Variants in RALYL observed in about 807,000 individuals in gnomAD.
RALYL encodes the protein RNA-binding Raly-like protein.
Under a neutral mutation model 35.1 loss-of-function variants are expected in RALYL, and 29 were observed. The observed-to-expected ratio is 0.83, with a 90% CI of 0.61 to 1.13. The LOEUF (loss-of-function observed/expected upper bound fraction) is 1.13, where lower values mean the gene tolerates loss of function less well. Ranked by LOEUF, RALYL falls within the 50% of genes most tolerant of loss-of-function variation. The pLI is 0.00. For missense variants in RALYL, 359 were observed against 360.4 expected (o/e 1.00, Z 0.03); for synonymous variants, 120 against 127.6 (o/e 0.94, Z 0.40).
intron 3 of RALYL, among the ~76,000 whole-genome samples, chr8:84,777,906 G>A (rs1360907027): frequency 1.3e-5 from 2 of 152,158 alleles, no homozygotes; most frequent in Non-Finnish European, 2.9e-5. Context: ...CTCCCAAAGC[G>A]CTGGGATTAC....
chr8:84,322,390 A>G (rs1845031913), intron 1 of RALYL, among the ~76,000 whole-genome samples: 1 of 152,138 alleles, frequency 6.6e-6, no homozygotes, highest in Admixed American at 6.5e-5. Context: ...GAAAACAGTA[A>G]AAGTAAATAA....
At chr8:84,306,478 G>T (rs1249585550) in intron 1 of RALYL, among the ~76,000 whole-genome samples, 2 of 152,114 alleles carry the variant, frequency 1.3e-5, no homozygotes, top group Admixed American at 1.3e-4. Flanking sequence ...ACACCTCCCT[G>T]ATCCCTCTTC....
At chr8:84,344,174 G>T in intron 1 of RALYL, among the ~76,000 whole-genome samples, 1 of 151,920 alleles carries the variant, frequency 6.6e-6, no homozygotes, top group East Asian at 1.9e-4. Context: ...TGCAACCCAT[G>T]ATTTCACAGA....
chr8:84,402,203 C>A (rs2042987917), intron 1 of RALYL, among the ~76,000 whole-genome samples: 1 of 152,048 alleles, frequency 6.6e-6, no homozygotes, highest in Admixed American at 6.6e-5. Context: ...ATGATAAATA[C>A]TGAAATAATA....
At chr8:84,785,506 C>T (rs1006872958) in intron 3 of RALYL, among the ~76,000 whole-genome samples, 1 of 152,150 alleles carries the variant, frequency 6.6e-6, no homozygotes, top group African/African-American at 2.4e-5. Flanking sequence ...GTCAGACATA[C>T]ATGCTTTATT....
At chr8:84,731,946 C>T (rs1384004561) in intron 2 of RALYL, among the ~76,000 whole-genome samples, 1 of 152,116 alleles carries the variant, frequency 6.6e-6, no homozygotes, top group South Asian at 2.1e-4. Flanking sequence ...GTTCCCTTTC[C>T]TAAAACATTC....
At chr8:84,549,643 T>A (rs2060586436) in intron 2 of RALYL, among the ~76,000 whole-genome samples, 1 of 152,136 alleles carries the variant, frequency 6.6e-6, no homozygotes, top group African/African-American at 2.4e-5. Flanking sequence ...TGGAAACACC[T>A]GATCTAGGAA....
intron 1 of RALYL, among the ~76,000 whole-genome samples, chr8:84,235,478 T>C (rs975899621): frequency 6.6e-6 from 1 of 152,216 alleles, no homozygotes; most frequent in African/African-American, 2.4e-5. Context: ...AACCATTTCT[T>C]GTTGCTGTAA....
chr8:84,357,788 T>C (rs1303348335), intron 1 of RALYL, among the ~76,000 whole-genome samples: 2 of 148,044 alleles, frequency 1.4e-5, no homozygotes, highest in African/African-American at 4.9e-5. Context: ...TTTATATATT[T>C]ATATATATTT....
intron 2 of RALYL, among the ~76,000 whole-genome samples, chr8:84,635,512 T>G (rs1824871095): frequency 6.6e-6 from 1 of 151,760 alleles, no homozygotes; most frequent in African/African-American, 2.4e-5. Context: ...TAATCAGCTT[T>G]CTTACTGTAG....
intron 1 of RALYL, among the ~76,000 whole-genome samples, chr8:84,462,440 G>T: frequency 7.1e-6 from 1 of 140,204 alleles, no homozygotes; most frequent in Admixed American, 7.4e-5. Flanking sequence ...TACTCTCTTT[G>T]TAAAAAAAAA....
chr8:84,649,076 A>T (rs1054543682), intron 2 of RALYL, among the ~76,000 whole-genome samples: 1 of 152,040 alleles, frequency 6.6e-6, no homozygotes, highest in Non-Finnish European at 1.5e-5. Context: ...TTATTTTTAT[A>T]AAAAGCTTAT....
intron 2 of RALYL, among the ~76,000 whole-genome samples, chr8:84,537,763 A>G (rs936313129): frequency 6.6e-6 from 1 of 152,236 alleles, no homozygotes; most frequent in African/African-American, 2.4e-5. Flanking sequence ...AGGAAGTTAG[A>G]TAGTAGATTT....
chr8:84,294,174 T>C (rs1214975298), intron 1 of RALYL, among the ~76,000 whole-genome samples: 3 of 152,112 alleles, frequency 2.0e-5, no homozygotes, highest in African/African-American at 7.2e-5. Context: ...CTTAGAAATG[T>C]GGTTGGCATG....
chr8:84,612,697 C>A (rs1001784536), intron 2 of RALYL, among the ~76,000 whole-genome samples: 1 of 151,608 alleles, frequency 6.6e-6, no homozygotes, highest in Non-Finnish European at 1.5e-5. Flanking sequence ...CAACTCTGTG[C>A]TATTTGGGAG....
intron 2 of RALYL, among the ~76,000 whole-genome samples, chr8:84,531,009 C>T (rs181614669): frequency 1.3e-5 from 2 of 152,204 alleles, no homozygotes; most frequent in African/African-American, 4.8e-5. Flanking sequence ...AGTGAGAGGC[C>T]TTTACTGACC....
intron 1 of RALYL, among the ~76,000 whole-genome samples, chr8:84,485,025 T>A (rs904239126): frequency 6.6e-6 from 1 of 152,124 alleles, no homozygotes; most frequent in Non-Finnish European, 1.5e-5. Context: ...TCCCCTACGG[T>A]ACTTATACTT....
chr8:84,619,680 T>C (rs1820812383), intron 2 of RALYL, among the ~76,000 whole-genome samples: 1 of 151,470 alleles, frequency 6.6e-6, no homozygotes, highest in Non-Finnish European at 1.5e-5. Context: ...TGCAGTTACT[T>C]CCTAGTCTCG....
intron 2 of RALYL, among the ~76,000 whole-genome samples, chr8:84,718,955 T>C (rs936162112): frequency 1.3e-5 from 2 of 152,182 alleles, no homozygotes; most frequent in African/African-American, 4.8e-5. Context: ...CCATCATTCA[T>C]ACATTATGTT....
Sources: allele counts gnomAD v4.1 joint callset (sites outside exome capture counted in the v4.1 genomes callset), GRCh38; gene constraint gnomAD v4.1.1; transcripts MANE v1.5; gene names NCBI Gene and HGNC (gene_info 2026-07-23, HGNC 2026-07-21).